ATG10: variants seen among roughly 807,000 people sequenced by gnomAD.
The protein encoded by ATG10 is ubiquitin-like-conjugating enzyme ATG10.
Under a neutral mutation model 32.1 loss-of-function variants are expected in ATG10, and 30 were observed. The ratio of observed to expected loss-of-function variants is 0.94; its 90% CI spans 0.70 to 1.27. ATG10 has a LOEUF of 1.27. Ranked by LOEUF, ATG10 falls within the 50% of genes most tolerant of loss-of-function variation. ATG10 has a pLI of 0.00. For missense variants in ATG10, 233 were observed against 262.3 expected (o/e 0.89, Z 0.77); for synonymous variants, 87 against 91.5 (o/e 0.95, Z 0.28).
intron 2 of ATG10, among the ~76,000 whole-genome samples, chr5:82,019,223 C>T (rs1762373123): frequency 6.6e-6 from 1 of 152,110 alleles, no homozygotes; most frequent in Non-Finnish European, 1.5e-5. Context: ...ATGAAAACAC[C>T]ATAACATTTA....
intron 2 of ATG10, among the ~76,000 whole-genome samples, chr5:82,033,921 A>G (rs1249659774): frequency 1.3e-5 from 2 of 148,828 alleles, no homozygotes; most frequent in African/African-American, 2.5e-5. Flanking sequence ...TATATATACT[A>G]TATGTGTATA....
At chr5:82,215,049 T>C (rs900730540) in intron 5 of ATG10, among the ~76,000 whole-genome samples, 1 of 152,228 alleles carries the variant, frequency 6.6e-6, no homozygotes, top group Non-Finnish European at 1.5e-5. Flanking sequence ...AATACACTTA[T>C]AATCTTACAG....
chr5:82,212,202 C>T lies in ATG10; in HGVS notation c.453+33615C>T, dbSNP rs1038062960. Among the ~76,000 whole-genome samples the T allele has an allele frequency of 2.6e-5, 4 of 152,194 alleles. No homozygotes were observed. In the South Asian group the frequency reaches 8.3e-4, roughly 32 times the overall value. ...TCAGAAGAGAGCCACCTTATCTTCT[C>T]AGCATTATTCTAGAGCCTCCTGACT... On this transcript the variant is annotated intron_variant, in intron 5 of 7. Coordinates refer to ENST00000282185, the MANE Select transcript of ATG10 (RefSeq NM_031482.5).
intron 3 of ATG10, among the ~76,000 whole-genome samples, chr5:82,072,851 G>A (rs1764171577): frequency 6.6e-6 from 1 of 152,140 alleles, no homozygotes; most frequent in African/African-American, 2.4e-5. Context: ...AGGTGGAACT[G>A]ATTTAATGTT....
Position 82,111,865 on chromosome 5 carries a change from A to G in ATG10, c.217-52534A>G, listed in dbSNP as rs946236770. On this transcript the variant is annotated intron_variant, in intron 3 of 7. Coordinates refer to ENST00000282185, the MANE Select transcript of ATG10 (RefSeq NM_031482.5). Reference sequence around the variant, plus strand: ...AAGGACAAATTACAATAGGTAAAATATTTACAGCGTGATAGATGATGGATA... The same window carrying G: ...AAGGACAAATTACAATAGGTAAAATGTTTACAGCGTGATAGATGATGGATA... 2.6e-5 allele frequency among the ~76,000 whole-genome samples: 4 copies of G among 151,950 alleles called. No homozygotes were observed. In the East Asian group the frequency reaches 7.7e-4, roughly 29 times the overall value.
chr5:82,068,697 T>C (rs987346760), intron 3 of ATG10, among the ~76,000 whole-genome samples: 1 of 144,090 alleles, frequency 6.9e-6, no homozygotes, highest in Non-Finnish European at 1.5e-5. Flanking sequence ...TATATATATA[T>C]CTTATATATA....
intron 3 of ATG10, among the ~76,000 whole-genome samples, chr5:82,083,006 G>C (rs912309334): frequency 4.6e-5 from 7 of 152,182 alleles, no homozygotes; most frequent in African/African-American, 1.7e-4. Context: ...TCAGACAGTG[G>C]GTGCAGCCCA....
chr5:82,200,705 G>A (rs542357292), intron 5 of ATG10, among the ~76,000 whole-genome samples: 42 of 150,476 alleles, frequency 2.8e-4, no homozygotes, highest in African/African-American at 9.2e-4. Flanking sequence ...TTATTGTTGG[G>A]TTTTGACAGT....
intron 2 of ATG10, among the ~76,000 whole-genome samples, chr5:81,991,591 C>T (rs1040394415): frequency 2.0e-5 from 3 of 152,016 alleles, no homozygotes; most frequent in Admixed American, 6.6e-5. Context: ...GTCAGGAGTT[C>T]GAGATCAGCC....
chr5:81,975,297 C>T (rs1379564333), intron 1 of ATG10, among the ~76,000 whole-genome samples: 1 of 152,082 alleles, frequency 6.6e-6, no homozygotes. Flanking sequence ...AATTTGATTA[C>T]TTTGAGAAGA....
At chr5:82,033,871 G>C (rs949396844) in intron 2 of ATG10, among the ~76,000 whole-genome samples, 3 of 149,644 alleles carry the variant, frequency 2.0e-5, no homozygotes, top group African/African-American at 7.4e-5. Context: ...CTATATATGT[G>C]TATCTATAAA....
intron 5 of ATG10, among the ~76,000 whole-genome samples, chr5:82,230,656 C>T (rs965922223): frequency 4.2e-5 from 6 of 143,506 alleles, no homozygotes; most frequent in East Asian, 2.3e-4. Context: ...TCGCTTGAAC[C>T]GGGGAGGCAG....
At chr5:82,096,660 G>A (rs1765075759) in intron 3 of ATG10, among the ~76,000 whole-genome samples, 1 of 152,146 alleles carries the variant, frequency 6.6e-6, no homozygotes, top group African/African-American at 2.4e-5. Context: ...ATAATAGTCA[G>A]TGTCTGTTCA....
intron 3 of ATG10, among the ~76,000 whole-genome samples, chr5:82,157,205 T>C (rs1767832656): frequency 6.6e-6 from 1 of 152,114 alleles, no homozygotes; most frequent in African/African-American, 2.4e-5. Flanking sequence ...TTGGTTGATG[T>C]AGCAGGGAGA....
intron 3 of ATG10, among the ~76,000 whole-genome samples, chr5:82,082,128 G>T (rs1764503799): frequency 6.6e-6 from 1 of 152,034 alleles, no homozygotes; most frequent in South Asian, 2.1e-4. Context: ...GGAATTGTGG[G>T]AGTTACAATT....
intron 2 of ATG10, among the ~76,000 whole-genome samples, chr5:81,993,360 C>CTTTCTTTCTTTTCTTTTCTTTTCTT: frequency 2.1e-5 from 1 of 46,772 alleles, no homozygotes; most frequent in Non-Finnish European, 4.0e-5. Context: ...TCTTTCTTTC[C>CTTTCTTTCTTTTCTTTTCTTTTCTT]TTCTTTTCTT....
rs1554039364 is a variant in ATG10, at chr5:81,993,393, T to TTTTTC, written c.108+5744_108+5748dup. Among the ~76,000 whole-genome samples, 890 of 105,630 alleles carry TTTTTC rather than the reference T, an allele frequency of 8.4e-3. 33 individuals carry two copies. The highest frequency in any genetic ancestry group is 0.034 in the African/African-American group (826 of 24,376). The allele number at this position is 105,630 out of a possible 152,430, so 69.3% of individuals were successfully genotyped here. A position where few individuals can be genotyped will look rare whatever the true frequency, so the allele number is the denominator to read the frequency against. ...CTTTTCTTTTCTTTTCTTTTCTTTT[T>TTTTTC]TTTTCTTTTCTTTTCTTTTCTTTTC... is the stretch of plus-strand genomic sequence containing the variant. On this transcript the variant is annotated intron_variant, in intron 2 of 7. Coordinates refer to ENST00000282185, the MANE Select transcript of ATG10 (RefSeq NM_031482.5).
intron 2 of ATG10, among the ~76,000 whole-genome samples, chr5:82,044,031 T>G (rs1411515383): frequency 6.6e-6 from 1 of 151,994 alleles, no homozygotes; most frequent in East Asian, 1.9e-4. Flanking sequence ...GGTACCAATT[T>G]TCTATATTAG....
At chr5:82,127,627 A>T (rs1239629451) in intron 3 of ATG10, among the ~76,000 whole-genome samples, 2 of 152,008 alleles carry the variant, frequency 1.3e-5, no homozygotes, top group African/African-American at 4.8e-5. Flanking sequence ...GTTCTAATAT[A>T]GATTGCACTG....
Sources: allele counts gnomAD v4.1 joint callset (sites outside exome capture counted in the v4.1 genomes callset), GRCh38; gene constraint gnomAD v4.1.1; transcripts MANE v1.5; gene names NCBI Gene and HGNC (gene_info 2026-07-23, HGNC 2026-07-21).